Variants in ERCC1 observed in about 807,000 individuals in gnomAD.
ERCC1 encodes the protein DNA excision repair protein ERCC-1.
Under a neutral mutation model 37.6 loss-of-function variants are expected in ERCC1, and 36 were observed. That is an observed-to-expected ratio of 0.96 (90% CI 0.73 to 1.26). The LOEUF (loss-of-function observed/expected upper bound fraction) is 1.26, where lower values mean the gene tolerates loss of function less well. Among genes scored for constraint, ERCC1 ranks in the 50% most tolerant of loss-of-function variants. The pLI is 0.00. For synonymous variants in ERCC1, 156 were observed against 162.1 expected (o/e 0.96, Z 0.28); for missense variants, 349 against 376.5 (o/e 0.93, Z 0.60).
At chr19:45,419,774 T>A (rs946871806) in intron 4 of ERCC1, among the ~76,000 whole-genome samples, 1 of 152,076 alleles carries the variant, frequency 6.6e-6, no homozygotes, top group African/African-American at 2.4e-5. Context: ...TCTCATCAAC[T>A]CCAGTCAAGG....
chr19:45,433,035 G>A (rs886545613), intron 1 of ERCC1, among the ~76,000 whole-genome samples: 5 of 152,028 alleles, frequency 3.3e-5, no homozygotes, highest in Admixed American at 6.6e-5. Flanking sequence ...AGCCGAGATC[G>A]CGCCACTGCA....
At chr19:45,414,749 G>T in intron 7 of ERCC1, 112 bp downstream of exon 7, 1 of 790,918 alleles carries the variant, frequency 1.3e-6, no homozygotes, top group East Asian at 2.5e-5. Flanking sequence ...GATGGGCCAG[G>T]AAAGACGAGG....
At chr19:45,430,783 G>T (rs537227327) in intron 1 of ERCC1, among the ~76,000 whole-genome samples, 67 of 152,148 alleles carry the variant, frequency 4.4e-4, no homozygotes, top group Non-Finnish European at 7.2e-4. Context: ...AGGGCATGGT[G>T]GTGGGTGCCT....
chr19:45,430,073 C>T (rs111988651), intron 1 of ERCC1, among the ~76,000 whole-genome samples: 6 of 152,164 alleles, frequency 3.9e-5, no homozygotes, highest in African/African-American at 9.7e-5. Context: ...CATGAGCCAC[C>T]GCGTCCAGCC....
At chr19:45,417,608 T>A (rs530468553) in intron 5 of ERCC1, among the ~76,000 whole-genome samples, 1 of 152,072 alleles carries the variant, frequency 6.6e-6, no homozygotes, top group Non-Finnish European at 1.5e-5. Context: ...CCTGGAGAAC[T>A]GGGTAGAGGT....
intron 6 of ERCC1, 59 bp from the exon 7 acceptor site, chr19:45,415,019 C>T (rs1221516510): frequency 2.3e-5 from 31 of 1,327,074 alleles, no homozygotes; most frequent in Non-Finnish European, 6.5e-6. Flanking sequence ...AGATTTGCTT[C>T]ATTATGGTCA....
At chr19:45,451,418 C>T (rs1432470696) in intron 1 of ERCC1, among the ~76,000 whole-genome samples, 1 of 152,210 alleles carries the variant, frequency 6.6e-6, no homozygotes, top group Non-Finnish European at 1.5e-5. Context: ...TGTTCACACT[C>T]AAGCCACAGC....
chr19:45,443,362 G>A (rs551277734), intron 1 of ERCC1, among the ~76,000 whole-genome samples: 1 of 152,278 alleles, frequency 6.6e-6, no homozygotes, highest in East Asian at 1.9e-4. Flanking sequence ...AATGAAAAGG[G>A]TCAGCACCGT....
chr19:45,437,264 A>T (rs1455698387), intron 1 of ERCC1, among the ~76,000 whole-genome samples: 1 of 151,686 alleles, frequency 6.6e-6, no homozygotes, highest in Non-Finnish European at 1.5e-5. Context: ...AAGAAAAAGA[A>T]AATATATATG....
intron 1 of ERCC1, among the ~76,000 whole-genome samples, chr19:45,431,600 C>T (rs1458089431): frequency 6.7e-6 from 1 of 150,342 alleles, no homozygotes; most frequent in African/African-American, 2.5e-5. Context: ...TCACTTGAAC[C>T]CAGGAGGTGG....
Position 45,409,892 on chromosome 19 carries a change from A to ATTTTTTT in ERCC1, c.844-168_844-167insAAAAAAA, listed in dbSNP as rs200386912. The stretch of plus-strand genomic sequence containing the variant: ...ATCTTTTTAAGTTATTATTATTATT[A>ATTTTTTT]TTATTTTTTTTTTTTTTGAGATGGA... On this transcript the variant is annotated intron_variant, in intron 9 of 9. Coordinates refer to ENST00000300853, the MANE Select transcript of ERCC1 (RefSeq NM_001983.4). The ATTTTTTT allele has an allele frequency of 4.5e-3, 925 of 205,776 alleles. 10 individuals carry two copies. The highest frequency in any genetic ancestry group is 6.3e-3 in the Middle Eastern group (4 of 638). 12.7% of individuals were successfully genotyped at this position (205,776 alleles called of 1,614,324 possible). A position where few individuals can be genotyped will look rare whatever the true frequency, so the allele number is the denominator to read the frequency against.
chr19:45,423,608 C>A (rs1268043481), intron 1 of ERCC1, 173 bp downstream of exon 1: 1 of 1,390,794 alleles, frequency 7.2e-7, no homozygotes, highest in African/African-American at 1.5e-5. Context: ...CCGCCCCTCG[C>A]CCCCACCGGA....
At chr19:45,446,524 G>C (rs1169208387) in intron 1 of ERCC1, among the ~76,000 whole-genome samples, 1 of 152,134 alleles carries the variant, frequency 6.6e-6, no homozygotes, top group Non-Finnish European at 1.5e-5. Context: ...ACTTGCCTAA[G>C]GTCTCACGGC....
intron 1 of ERCC1, among the ~76,000 whole-genome samples, chr19:45,438,893 G>A (rs1474302562): frequency 6.6e-6 from 1 of 152,030 alleles, no homozygotes. Context: ...CGCCCCACTC[G>A]GCCTCCCGAA....
intron 1 of ERCC1, among the ~76,000 whole-genome samples, chr19:45,445,180 C>G (rs1966903905): frequency 6.6e-6 from 1 of 152,156 alleles, no homozygotes; most frequent in South Asian, 2.1e-4. Context: ...CCACGCCCAG[C>G]TATTTCTTGT....
upstream of ERCC1, among the ~76,000 whole-genome samples, chr19:45,428,447 G>A (rs1422849616): frequency 6.6e-6 from 1 of 152,050 alleles, no homozygotes; most frequent in East Asian, 1.9e-4. Context: ...GAATCTCCCC[G>A]GCTCCCAGAG....
chr19:45,408,243 C>T lies in ERCC1; in HGVS notation c.*1432G>A, dbSNP rs752189100. Reference sequence around the variant, plus strand: ...AGCAGCTGTCCCCAAGCTGGAGAAGCGACCCTGCTGGCCCCCTCAACGGAG... The same window carrying T: ...AGCAGCTGTCCCCAAGCTGGAGAAGTGACCCTGCTGGCCCCCTCAACGGAG... On this transcript the variant is annotated 3_prime_UTR_variant, in exon 10 of 10. Transcript: ENST00000300853. 147 of 1,614,014 alleles carry T rather than the reference C, an allele frequency of 9.1e-5. No individual in the cohort carries two copies. The highest frequency in any genetic ancestry group is 3.3e-4 in the Middle Eastern group (2 of 6,084).
At chr19:45,425,491 C>G (rs1023382251), upstream of ERCC1, among the ~76,000 whole-genome samples, 2 of 151,892 alleles carry the variant, frequency 1.3e-5, no homozygotes, top group African/African-American at 4.8e-5. Flanking sequence ...CACATTCAAG[C>G]AGTTCTCCTG....
intron 6 of ERCC1, chr19:45,416,585 C>A: frequency 1.9e-6 from 1 of 519,626 alleles, no homozygotes; most frequent in Non-Finnish European, 3.5e-6. Flanking sequence ...CAAGGCAGAG[C>A]CGAGATCGTG....
Sources: gnomAD v4.1 joint callset for allele counts (sites outside exome capture counted in the v4.1 genomes callset) on GRCh38, gnomAD v4.1.1 for gene constraint, MANE v1.5 for transcripts, NCBI Gene and HGNC (gene_info 2026-07-23, HGNC 2026-07-21) for gene names.